ERICH6B: variants seen among roughly 807,000 people sequenced by gnomAD.
ERICH6B encodes the protein glutamate rich 6B, also known as glutamate-rich protein 6B.
ERICH6B carries 69 observed loss-of-function variants against 80.0 expected under a neutral mutation model. That is an observed-to-expected ratio of 0.86 (90% confidence interval 0.71 to 1.05). ERICH6B has a LOEUF of 1.05. Among genes scored for constraint, ERICH6B ranks in the 50% least tolerant of loss-of-function variants. The probability of loss-of-function intolerance (pLI) is 0.00; values close to 1 mark genes in which losing one functional copy is unlikely to be tolerated. For missense variants in ERICH6B, 754 were observed against 796.1 expected (o/e 0.95, Z 0.64); for synonymous variants, 283 against 291.9 (o/e 0.97, Z 0.31).
At chr13:45,553,988 C>T (rs938986803) in intron 11 of ERICH6B, among the ~76,000 whole-genome samples, 4 of 152,112 alleles carry the variant, frequency 2.6e-5, no homozygotes, top group African/African-American at 9.7e-5. Context: ...AATCTACTCT[C>T]TTAGCAATTT....
At chr13:45,558,663 G>C (rs563679252) in intron 11 of ERICH6B, among the ~76,000 whole-genome samples, 1 of 152,220 alleles carries the variant, frequency 6.6e-6, no homozygotes, top group Non-Finnish European at 1.5e-5. Context: ...ATTTTGTTGA[G>C]TGCTTTTTCT....
rs949140098 is a variant in ERICH6B, at chr13:45,568,010, C to A, written c.1187+305G>T. Among the ~76,000 whole-genome samples, 57 of 152,342 alleles carry A rather than the reference C, an allele frequency of 3.7e-4. 1 individual carries two copies. The highest frequency in any genetic ancestry group is 1.2e-3 in the African/African-American group (49 of 41,582). The stretch of plus-strand genomic sequence containing the variant: ...TGTACAAGTTCATGGTCCCTGCAAG[C>A]CTTTTCTTACCCTGAATTTCCAGCC... On this transcript the variant is annotated intron_variant, in intron 9 of 14. Coordinates refer to ENST00000298738, the MANE Select transcript of ERICH6B (RefSeq NM_182542.3).
intron 9 of ERICH6B, among the ~76,000 whole-genome samples, chr13:45,564,540 C>T (rs897956986): frequency 6.6e-6 from 1 of 152,178 alleles, no homozygotes; most frequent in African/African-American, 2.4e-5. Flanking sequence ...ATTAATTTAG[C>T]CCAGAGTAAC....
In ERICH6B at chr13:45,544,840, T is replaced by G. The variant is rs931980874; in HGVS notation, c.1792A>C (p.Ile598Leu). 1.3e-6 allele frequency: 2 copies of G among 1,551,738 alleles called. No individual in the cohort carries two copies. The highest frequency in any genetic ancestry group is 1.7e-6 in the Non-Finnish European group (2 of 1,146,998). ...AAGATGATCTTATCCTGGCTCCTTA[T>G]TTGTACCTGGATGTACTCATTGATT... ...LKINEYIQVQ[I>L]RSQDKIIFCF... The change falls in exon 14 of 15, where the codon ATA becomes CTA. Residue 598 changes from isoleucine (I) to leucine (L), a missense_variant. Transcript: ENST00000298738.
At position 45,550,137 on chromosome 13, in the gene ERICH6B, ACACCTCAGTCAAACCCCT is replaced by A. The variant is rs375544912; in HGVS notation, c.1493+76_1493+93del. ...ATGATGCAGGCCTCAGTCAAACCCC[ACACCTCAGTCAAACCCCT>A]TACCCCATAAAAAATCGTAGACATT... On this transcript the variant is annotated intron_variant, in intron 12 of 14. Coordinates refer to ENST00000298738, the MANE Select transcript of ERICH6B (RefSeq NM_182542.3). 720 of 1,535,190 alleles carry A rather than the reference ACACCTCAGTCAAACCCCT, an allele frequency of 4.7e-4. 8 individuals are homozygous for A. The highest frequency in any genetic ancestry group is 4.5e-3 in the African/African-American group (330 of 72,660).
rs138534460 is a variant in ERICH6B at position 45,541,337 on chromosome 13, C to T, written c.*125G>A. ...ATGTTTACTTCAAATCAAGGAGCCA[C>T]GACAGGTCCCAAATTACAAACCAAC... On this transcript the variant is annotated 3_prime_UTR_variant, in exon 15 of 15. Coordinates refer to ENST00000298738, the MANE Select transcript of ERICH6B (RefSeq NM_182542.3). The T allele has an allele frequency of 7.5e-6, 6 of 803,140 alleles. No homozygotes were observed. The highest frequency in any genetic ancestry group is 1.7e-5 in the African/African-American group (1 of 57,456). The allele number at this position is 803,140 out of a possible 1,614,324, so 49.8% of individuals were successfully genotyped here. A position where few individuals can be genotyped will look rare whatever the true frequency, so the allele number is the denominator to read the frequency against.
chr13:45,602,678 T>TCCC (rs1949834001), intron 2 of ERICH6B, among the ~76,000 whole-genome samples: 1 of 152,134 alleles, frequency 6.6e-6, no homozygotes, highest in African/African-American at 2.4e-5. Context: ...CTAGTCTTCC[T>TCCC]CCCCAGACCT....
At chr13:45,589,001 G>A (rs1040910085) in intron 4 of ERICH6B, among the ~76,000 whole-genome samples, 2 of 152,166 alleles carry the variant, frequency 1.3e-5, no homozygotes, top group African/African-American at 4.8e-5. Flanking sequence ...AGAGGGAGCC[G>A]CTCCAGGCCT....
chr13:45,608,837 C>T (rs1025680177), intron 1 of ERICH6B, among the ~76,000 whole-genome samples: 43 of 152,126 alleles, frequency 2.8e-4, no homozygotes, highest in South Asian at 2.1e-4. Flanking sequence ...CTGTGGGCAC[C>T]GTGAAAAATT....
rs879690223 is a variant in ERICH6B, at chr13:45,574,936, G to A, written c.962-6C>T. The A allele has an allele frequency of 3.9e-6, 6 of 1,546,282 alleles. No homozygotes were observed. The highest frequency in any genetic ancestry group is 4.9e-5 in the East Asian group (2 of 40,886). On this transcript the variant is annotated splice_region_variant and splice_polypyrimidine_tract_variant and intron_variant, in intron 7 of 14. Coordinates refer to ENST00000298738, the MANE Select transcript of ERICH6B (RefSeq NM_182542.3). ...TTTAGAAGCAAACTCCAGGACTTTC[G>A]ATTTTGGAAGGAGCGTCGAAAGGAA...
chr13:45,551,926 T>C (rs1874240852), intron 11 of ERICH6B, among the ~76,000 whole-genome samples: 1 of 152,184 alleles, frequency 6.6e-6, no homozygotes, highest in South Asian at 2.1e-4. Flanking sequence ...TTTCTGTTCA[T>C]TGTAAACTAC....
rs115435798 is a variant in ERICH6B, at chr13:45,550,669, C to A, written c.1408-353G>T. ...TGGAAGTCTGAAATCAAAGGGTCCCCAGGGTTGGTTCCTTCTAGAGGTTTT... is the reference window on the plus strand; with the variant it reads ...TGGAAGTCTGAAATCAAAGGGTCCCAAGGGTTGGTTCCTTCTAGAGGTTTT... On this transcript the variant is annotated intron_variant, in intron 11 of 14. Transcript: ENST00000298738. 8.2e-3 allele frequency among the ~76,000 whole-genome samples: 1,244 copies of A among 152,300 alleles called. 16 individuals carry two copies. The highest frequency in any genetic ancestry group is 0.028 in the African/African-American group (1,161 of 41,564).
At chr13:45,575,654 A>G (rs994455905) in intron 7 of ERICH6B, among the ~76,000 whole-genome samples, 2 of 152,230 alleles carry the variant, frequency 1.3e-5, no homozygotes, top group African/African-American at 4.8e-5. Context: ...ATTACTAATC[A>G]GAGCATAAGA....
intron 5 of ERICH6B, among the ~76,000 whole-genome samples, chr13:45,584,223 C>T (rs763581043): frequency 6.6e-6 from 1 of 152,232 alleles, no homozygotes; most frequent in Non-Finnish European, 1.5e-5. Context: ...TGATCCTGCT[C>T]TGTGCCTGGA....
chr13:45,593,106 C>T (rs564456706), intron 3 of ERICH6B, among the ~76,000 whole-genome samples: 73 of 152,334 alleles, frequency 4.8e-4, no homozygotes, highest in African/African-American at 1.5e-3. Flanking sequence ...GCAATTGATG[C>T]TGCATTTATA....
rs1308854445 is a variant in ERICH6B at position 45,596,723 on chromosome 13, C to T, written c.283G>A (p.Glu95Lys). Residue 95 changes from glutamate to lysine, a missense_variant, in exon 3 of 15, where the codon GAA becomes AAA. Coordinates refer to ENST00000298738, the MANE Select transcript of ERICH6B (RefSeq NM_182542.3). ...TACCCTGCCTTCTCCAGATACTCTT[C>T]CTCCTCCAGATGCTCTTCCTTCCCC... ...YLGKEEHLEEEEYLEKAGYLE... is the reference protein window; with the variant it reads ...YLGKEEHLEEKEYLEKAGYLE... The T allele has an allele frequency of 2.6e-6, 4 of 1,551,734 alleles. No individual in the cohort carries two copies. Among genetic ancestry groups the T allele is most frequent in the Non-Finnish European group, 3.5e-6 (4 of 1,147,044 alleles).
chr13:45,557,524 G>C (rs1426862471), intron 11 of ERICH6B, among the ~76,000 whole-genome samples: 1 of 152,102 alleles, frequency 6.6e-6, no homozygotes, highest in African/African-American at 2.4e-5. Context: ...GTCTAGAAAA[G>C]TTTTTCCAAT....
intron 2 of ERICH6B, among the ~76,000 whole-genome samples, chr13:45,603,351 A>G (rs1268292408): frequency 6.6e-6 from 1 of 152,216 alleles, no homozygotes; most frequent in Non-Finnish European, 1.5e-5. Context: ...AACACATAAA[A>G]TTAACAATCA....
chr13:45,594,797 G>A (rs1442498074), intron 3 of ERICH6B, among the ~76,000 whole-genome samples: 9 of 152,234 alleles, frequency 5.9e-5, no homozygotes, highest in Middle Eastern at 3.4e-3. Context: ...TAGCAGAACC[G>A]GATCCAGAAA....
Sources: allele counts gnomAD v4.1 joint callset (sites outside exome capture counted in the v4.1 genomes callset), GRCh38; gene constraint gnomAD v4.1.1; transcripts MANE v1.5; gene names NCBI Gene and HGNC (gene_info 2026-07-23, HGNC 2026-07-21).